Variants in FAT1 observed in about 807,000 individuals in gnomAD.
FAT1 encodes FAT atypical cadherin 1.
FAT1 carries 171 observed loss-of-function variants against 329.8 expected under a neutral mutation model. The ratio of observed to expected loss-of-function variants is 0.52; its 90% confidence interval spans 0.46 to 0.59. The LOEUF (loss-of-function observed/expected upper bound fraction) is 0.59. Among genes scored for constraint, FAT1 ranks in the 20% least tolerant of loss-of-function variants. The pLI is 0.00. For synonymous variants in FAT1, 2,233 were observed against 2,228.6 expected, an observed-to-expected ratio of 1.00 and a Z score of -0.06; for missense variants, 5,672 against 5,774.4, an observed-to-expected ratio of 0.98 and a Z score of 0.57.
At chr4:186,616,528 G>T (rs1452851922) in intron 11 of FAT1, among the ~76,000 whole-genome samples, 3 of 152,112 alleles carry the variant, frequency 2.0e-5, no homozygotes, top group African/African-American at 4.8e-5. Context: ...TAACCTTGGA[G>T]GGAGCAGCCC....
intron 1 of FAT1, among the ~76,000 whole-genome samples, chr4:186,716,533 T>C (rs1745213248): frequency 6.6e-6 from 1 of 151,890 alleles, no homozygotes; most frequent in Admixed American, 6.6e-5. Context: ...GCTCAAGTGA[T>C]CCTCCCGCCT....
At chr4:186,665,366 G>A (rs1742386816) in intron 2 of FAT1, among the ~76,000 whole-genome samples, 1 of 152,114 alleles carries the variant, frequency 6.6e-6, no homozygotes, top group Non-Finnish European at 1.5e-5. Context: ...GTTGTTTCCT[G>A]ACTTTTTAAT....
chr4:186,679,197 A>G (rs987576273), intron 2 of FAT1, among the ~76,000 whole-genome samples: 30 of 152,206 alleles, frequency 2.0e-4, no homozygotes, highest in Admixed American at 1.8e-3. Context: ...TGGCAAACAC[A>G]GAAATACAAA....
rs368556204 is a variant in FAT1, at chr4:186,619,290, G to A, written c.7296C>T (p.Gly2432=). Residue 2432 remains glycine (G), a synonymous_variant, in exon 10 of 27, where the codon GGC becomes GGT. Transcript: ENST00000441802. Reference sequence around the variant, plus strand: ...CAATGACAAAATGTTTATGATCATTGCCAGACAGAATGGAATACTGCAACT... The same window carrying A: ...CAATGACAAAATGTTTATGATCATTACCAGACAGAATGGAATACTGCAACT... ...IDKLQYSILS[G]NDHKHFVIDS... The A allele has an allele frequency of 3.7e-6, 6 of 1,613,878 alleles. No homozygotes were observed. Among genetic ancestry groups the A allele is most frequent in the Non-Finnish European group, 1.7e-6 (2 of 1,179,902 alleles).
Position 186,609,267 on chromosome 4 carries a change from A to G in FAT1, c.10122T>C (p.Ile3374=), listed in dbSNP as rs1739282739. The G allele has an allele frequency of 2.5e-6, 4 of 1,613,902 alleles. No homozygotes were observed. The highest frequency in any genetic ancestry group is 3.4e-6 in the Non-Finnish European group (4 of 1,179,906). ...ACGAGCTTCCTTGGTTGCCATCTAT[A>G]ATTGAGTAGTGGATGTGGCTGTTGG... ...GPSNSHIHYS[I]IDGNQGSSFT... Residue 3374 remains isoleucine (I), a synonymous_variant, in exon 16 of 27, where the codon ATT becomes ATC. Transcript: ENST00000441802.
At position 186,706,829 on chromosome 4, in the gene FAT1, G is replaced by A. The variant is rs1363109213; in HGVS notation, c.2999C>T (p.Thr1000Ile). Residue 1000 changes from threonine to isoleucine, a missense_variant, in exon 2 of 27, where the codon ACT (threonine) becomes ATT (isoleucine). Physicochemically the swap from Thr to Ile is moderately conservative, Grantham distance 89. Coordinates refer to ENST00000441802, the MANE Select transcript of FAT1 (RefSeq NM_005245.4). ...DFEKKQVYNLTVRAKDKGKPV... is the reference protein window; with the variant it reads ...DFEKKQVYNLIVRAKDKGKPV... ...CTTTCCCTTGTCTTTGGCCCTCACA[G>A]TGAGATTATACACTTGCTTCTTCTC... 6.2e-7 allele frequency: 1 copy of A among 1,613,982 alleles called. No individual in the cohort carries two copies. The highest frequency in any genetic ancestry group is 8.5e-7 in the Non-Finnish European group (1 of 1,179,904).
In FAT1 at chr4:186,709,568, T is replaced by C. The variant is rs1744845016; in HGVS notation, c.260A>G (p.Glu87Gly). The change falls in exon 2 of 27, where the codon GAG (glutamate) becomes GGG (glycine). Residue 87 changes from glutamate to glycine, a missense_variant. Glu to Gly is a moderately conservative substitution (Grantham distance 98). Transcript: ENST00000441802. ...AAAGCAAAAGTCTCCGAGAATGTAC[T>C]CTTCAGCTTTGAACAGGTTTTCACT... ...GDSENLFKAE[E>G]YILGDFCFLR... 6.2e-7 allele frequency: 1 copy of C among 1,614,094 alleles called. No individual in the cohort carries two copies. The highest frequency in any genetic ancestry group is 2.2e-5 in the East Asian group (1 of 44,890).
In FAT1 at chr4:186,619,914, G is replaced by T. The variant is rs756032989; in HGVS notation, c.6672C>A (p.Phe2224Leu). ...VFYSITDGDPFSQFTINFNTG... is the reference protein window; with the variant it reads ...VFYSITDGDPLSQFTINFNTG... ...TATTGAAGTTAATAGTGAACTGGCT[G>T]AAAGGGTCTCCGTCTGTGATGCTGT... Residue 2224 changes from phenylalanine to leucine, a missense_variant, in exon 10 of 27, where the codon TTC becomes TTA. Phe to Leu is a conservative substitution (Grantham distance 22). Coordinates refer to ENST00000441802, the MANE Select transcript of FAT1 (RefSeq NM_005245.4). The T allele has an allele frequency of 6.2e-7, 1 of 1,614,010 alleles. No homozygotes were observed. Among genetic ancestry groups the T allele is most frequent in the Non-Finnish European group, 8.5e-7 (1 of 1,179,890 alleles).
At chr4:186,717,069 A>G (rs1378615124) in intron 1 of FAT1, among the ~76,000 whole-genome samples, 2 of 152,174 alleles carry the variant, frequency 1.3e-5, no homozygotes, top group African/African-American at 4.8e-5. Context: ...ACCCAGCGTA[A>G]ATGGCTTTTT....
At chr4:186,702,288 C>T (rs1043307377) in intron 2 of FAT1, among the ~76,000 whole-genome samples, 14 of 152,178 alleles carry the variant, frequency 9.2e-5, no homozygotes, top group South Asian at 4.1e-4. Context: ...TTCATCAAAA[C>T]GTAAATTTCA....
intron 19 of FAT1, 28 bp downstream of exon 19, chr4:186,603,148 C>T (rs2126424122): frequency 1.9e-6 from 3 of 1,609,442 alleles, no homozygotes; most frequent in Non-Finnish European, 2.6e-6. Context: ...ATCTGTGACA[C>T]CGACTTTCAT....
intron 16 of FAT1, among the ~76,000 whole-genome samples, chr4:186,607,954 C>A (rs1739227045): frequency 1.3e-5 from 2 of 152,184 alleles, no homozygotes; most frequent in African/African-American, 4.8e-5. Flanking sequence ...TGACTAAAAT[C>A]TCCAAATACT....
upstream of FAT1, among the ~76,000 whole-genome samples, chr4:186,724,040 C>G (rs1321806833): frequency 6.6e-6 from 1 of 151,618 alleles, no homozygotes; most frequent in Non-Finnish European, 1.5e-5. The surrounding 1 kb of genome is among the most constrained non-coding windows in gnomAD (Gnocchi z 5.3). Context: ...TGCTGGGAGA[C>G]GAGAAGGCGC....
intron 2 of FAT1, among the ~76,000 whole-genome samples, chr4:186,688,690 C>CAGT (rs1295367886): frequency 2.1e-5 from 3 of 141,628 alleles, no homozygotes; most frequent in Non-Finnish European, 4.6e-5. Context: ...TCAGCTGCTA[C>CAGT]AGTAGACTTT....
chr4:186,672,351 C>T (rs1202380554), intron 2 of FAT1, among the ~76,000 whole-genome samples: 1 of 152,156 alleles, frequency 6.6e-6, no homozygotes, highest in Non-Finnish European at 1.5e-5. Flanking sequence ...AGGCAGTATA[C>T]TAGTGTACCG....
At chr4:186,705,968 T>C (rs1204078718) in intron 2 of FAT1, among the ~76,000 whole-genome samples, 3 of 152,298 alleles carry the variant, frequency 2.0e-5, no homozygotes, top group South Asian at 4.1e-4. Context: ...GGATCACCAA[T>C]TACCAACTAG....
In FAT1 at chr4:186,628,170, C is replaced by T. The variant is rs761709957; in HGVS notation, c.4794G>A (p.Leu1598=). 1 of 1,613,826 alleles carries T rather than the reference C, an allele frequency of 6.2e-7. No individual in the cohort carries two copies. Among genetic ancestry groups the T allele is most frequent in the Non-Finnish European group, 8.5e-7 (1 of 1,179,828 alleles). Residue 1598 remains leucine (L), a synonymous_variant, in exon 9 of 27, where the codon CTG becomes CTA. Coordinates refer to ENST00000441802, the MANE Select transcript of FAT1 (RefSeq NM_005245.4). ...CAAAAGTACCTGACTCGATCGAGTA[C>T]AGCACTTCAGCATTTTTCCCTTTGT... ...DKDKGKNAEV[L]YSIESGNIGN... is the part of the protein sequence containing the mutation.
At chr4:186,698,582 A>G (rs1744145276) in intron 2 of FAT1, among the ~76,000 whole-genome samples, 1 of 152,226 alleles carries the variant, frequency 6.6e-6, no homozygotes, top group African/African-American at 2.4e-5. Flanking sequence ...TTATGAGATA[A>G]TACGAGCTGA....
rs755040861 is a variant in FAT1 at position 186,619,795 on chromosome 4, T to C, written c.6791A>G (p.His2264Arg). The C allele has an allele frequency of 1.4e-5, 23 of 1,613,910 alleles. No homozygotes were observed. Among genetic ancestry groups the C allele is most frequent in the African/African-American group, 2.7e-5 (2 of 74,930 alleles). The stretch of plus-strand genomic sequence containing the variant: ...TATGATGTCCACAAATACTTCAGCA[T>C]GAGCGCCCGTCAAGGAGTCAGTTGC... ...IRATDSLTGA[H>R]AEVFVDIIVD... Residue 2264 changes from histidine (H) to arginine (R), a missense_variant, in exon 10 of 27, where the codon CAT (histidine) becomes CGT (arginine). This residue lies in a region of FAT1 where 3,966 missense variants were observed against 3,915.2 expected (regional missense o/e 1.01). Transcript: ENST00000441802.
Sources: allele counts gnomAD v4.1 joint callset (sites outside exome capture counted in the v4.1 genomes callset), GRCh38; gene constraint gnomAD v4.1.1; regional missense constraint gnomAD v4.1.1; non-coding constraint Gnocchi (gnomAD v3.1); transcripts MANE v1.5; gene names NCBI Gene and HGNC (gene_info 2026-07-23, HGNC 2026-07-21).